The following RABGAP1 variants were observed in gnomAD, a reference collection of about 807,000 sequenced individuals.
The protein encoded by RABGAP1 is RAB GTPase activating protein 1, also known as rab GTPase-activating protein 1.
In RABGAP1, 23 loss-of-function variants were observed where a neutral mutation model predicts 137.6. The observed-to-expected ratio is 0.17, with a 90% CI of 0.12 to 0.24. The LOEUF is 0.24. Among genes scored for constraint, RABGAP1 ranks in the 10% least tolerant of loss-of-function variants. RABGAP1 has a pLI of 1.00. For missense variants in RABGAP1, 906 were observed against 1,275.8 expected, an observed-to-expected ratio of 0.71 and a Z score of 4.42; for synonymous variants, 451 against 450.7, an observed-to-expected ratio of 1.00 and a Z score of -0.01.
chr9:122,996,569 A>C lies in RABGAP1; in HGVS notation c.1065A>C (p.Lys355Asn). The stretch of plus-strand genomic sequence containing the variant: ...TTGGTCTTCTCCTTAGTCCAGGAAA[A>C]GATGTACGAAATAGTGACATGCACT... ...RCFGLLLSPG[K>N]DVRNSDMHLL... The change falls in exon 8 of 26, where the codon AAA becomes AAC. Residue 355 changes from lysine (K) to asparagine (N), a missense_variant. Coordinates refer to ENST00000373647, the MANE Select transcript of RABGAP1 (RefSeq NM_012197.4). 1 of 1,609,476 alleles carries C rather than the reference A, an allele frequency of 6.2e-7. No individual in the cohort carries two copies. Among genetic ancestry groups the C allele is most frequent in the Non-Finnish European group, 8.5e-7 (1 of 1,177,322 alleles).
At chr9:123,098,665 T>G (rs1588415691) in intron 22 of RABGAP1, 50 bp from the exon 23 acceptor site, 1 of 1,548,156 alleles carries the variant, frequency 6.5e-7, no homozygotes, top group East Asian at 2.3e-5. Flanking sequence ...TGGCAGAACT[T>G]CCTTTATTTT....
At chr9:122,981,926 G>A (rs1472961385) in intron 2 of RABGAP1, among the ~76,000 whole-genome samples, 1 of 152,086 alleles carries the variant, frequency 6.6e-6, no homozygotes, top group Non-Finnish European at 1.5e-5. Flanking sequence ...GCACGCGCCT[G>A]TGATCCCAGC....
rs774670125 is a variant in RABGAP1 at position 123,082,723 on chromosome 9, A to G, written c.2424+5961A>G. Among the ~76,000 whole-genome samples the G allele has an allele frequency of 6.2e-3, 41 of 6,662 alleles. No homozygotes were observed. The Middle Eastern group carries it at 0.4, about 65-fold the overall frequency. The allele number at this position is 6,662 out of a possible 152,430, so 4.4% of individuals were successfully genotyped here. On this transcript the variant is annotated intron_variant, in intron 19 of 25. Transcript: ENST00000373647. ...ATTAGAACGTGTCATTTTAAACACA[A>G]CGTGATGTGCCAGACTTCAAACTAC...
At position 123,070,533 on chromosome 9, in the gene RABGAP1, T is replaced by C. The variant is rs2034320888; in HGVS notation, c.1983+109T>C. On this transcript the variant is annotated intron_variant, in intron 15 of 25. Coordinates refer to ENST00000373647, the MANE Select transcript of RABGAP1 (RefSeq NM_012197.4). The surrounding 1 kb of genome is among the most constrained non-coding windows in gnomAD (Gnocchi z 4.4). ...TGGGTTTGGACAGACTCTTAAGGCA[T>C]GAATTTTAACACCTATAGCTGGAAA... is the stretch of plus-strand genomic sequence containing the variant. 6.6e-7 allele frequency: 1 copy of C among 1,517,664 alleles called. No homozygotes were observed. Among genetic ancestry groups the C allele is most frequent in the Non-Finnish European group, 8.8e-7 (1 of 1,135,836 alleles). The allele number at this position is 1,517,664 out of a possible 1,614,324, so 94.0% of individuals were successfully genotyped here.
At chr9:122,965,991 C>G (rs550554518) in intron 2 of RABGAP1, among the ~76,000 whole-genome samples, 29 of 152,184 alleles carry the variant, frequency 1.9e-4, no homozygotes, top group Admixed American at 7.2e-4. Flanking sequence ...TTGGCCTGAG[C>G]TGTTTAGTCT....
At chr9:122,977,797 T>C (rs551936296) in intron 2 of RABGAP1, among the ~76,000 whole-genome samples, 15 of 152,230 alleles carry the variant, frequency 9.9e-5, no homozygotes, top group African/African-American at 3.6e-4. Context: ...CTCTATCCAG[T>C]AGACAGTTGA....
intron 2 of RABGAP1, among the ~76,000 whole-genome samples, chr9:122,967,514 C>T (rs1214693134): frequency 6.6e-6 from 1 of 152,100 alleles, no homozygotes; most frequent in Admixed American, 6.5e-5. Context: ...AACAGTTAGC[C>T]TAGGAACAGT....
intron 14 of RABGAP1, among the ~76,000 whole-genome samples, chr9:123,068,847 G>A (rs975443869): frequency 2.5e-4 from 38 of 152,324 alleles, no homozygotes; most frequent in African/African-American, 8.9e-4. Flanking sequence ...CATCTAATAA[G>A]TATTGGCACT....
intron 12 of RABGAP1, 97 bp from the exon 13 acceptor site, chr9:123,020,212 T>C: frequency 9.1e-7 from 1 of 1,104,870 alleles, no homozygotes; most frequent in Non-Finnish European, 1.2e-6. Context: ...CCTTGTCACG[T>C]ATTTGTAAGC....
At chr9:122,959,091 T>C (rs1417943826) in intron 2 of RABGAP1, among the ~76,000 whole-genome samples, 1 of 151,978 alleles carries the variant, frequency 6.6e-6, no homozygotes, top group Admixed American at 6.6e-5. Context: ...AATTAATTAA[T>C]AAGAGTGAAT....
rs190667341 is a variant in RABGAP1 at position 123,019,043 on chromosome 9, C to T, written c.1644-1266C>T. 3.3e-5 allele frequency among the ~76,000 whole-genome samples: 5 copies of T among 152,306 alleles called. No individual in the cohort carries two copies. In the East Asian group the frequency reaches 9.6e-4, roughly 29 times the overall value. On this transcript the variant is annotated intron_variant, in intron 12 of 25. Transcript: ENST00000373647. The stretch of plus-strand genomic sequence containing the variant: ...GTAAAACTAGAGGTACTACCATCTA[C>T]CTCAGATGGTTGTTCTGAAGGTCAA...
intron 19 of RABGAP1, among the ~76,000 whole-genome samples, chr9:123,085,445 C>T (rs1165856192): frequency 6.6e-6 from 1 of 152,160 alleles, no homozygotes; most frequent in Non-Finnish European, 1.5e-5. Context: ...GTTGGTTTTA[C>T]CAACAAACCC....
At chr9:123,060,336 T>C (rs2033919919) in intron 13 of RABGAP1, among the ~76,000 whole-genome samples, 1 of 152,232 alleles carries the variant, frequency 6.6e-6, no homozygotes, top group Non-Finnish European at 1.5e-5. Context: ...TCTGTCACCA[T>C]GGGCTTTTGC....
At chr9:122,981,836 G>A (rs1836076365) in intron 2 of RABGAP1, among the ~76,000 whole-genome samples, 1 of 152,170 alleles carries the variant, frequency 6.6e-6, no homozygotes, top group Non-Finnish European at 1.5e-5. Flanking sequence ...ATCACTTGAG[G>A]TCAGGAGTTC....
At chr9:122,952,128 A>C (rs1834284110) in intron 1 of RABGAP1, among the ~76,000 whole-genome samples, 1 of 152,258 alleles carries the variant, frequency 6.6e-6, no homozygotes, top group Non-Finnish European at 1.5e-5. Context: ...AGGCTGTATA[A>C]GTGAACATAA....
chr9:123,092,479 T>C (rs1042362224), intron 21 of RABGAP1, among the ~76,000 whole-genome samples: 9 of 152,202 alleles, frequency 5.9e-5, no homozygotes, highest in African/African-American at 2.2e-4. Flanking sequence ...TTTGTTTTTT[T>C]TAACAGCTAT....
At chr9:123,029,744 T>C (rs2032195895) in intron 13 of RABGAP1, 2 of 624,896 alleles carry the variant, frequency 3.2e-6, no homozygotes, top group South Asian at 1.4e-5. Flanking sequence ...TTGTAGTCCT[T>C]GGGTGGCATC....
At chr9:123,035,739 C>T in intron 13 of RABGAP1, 1 of 639,298 alleles carries the variant, frequency 1.6e-6, no homozygotes, top group Non-Finnish European at 2.6e-6. Context: ...AATACTTTGA[C>T]TCTAAACAAT....
intron 14 of RABGAP1, among the ~76,000 whole-genome samples, chr9:123,069,146 G>C (rs2034274297): frequency 6.6e-6 from 1 of 152,158 alleles, no homozygotes; most frequent in Non-Finnish European, 1.5e-5. Flanking sequence ...TCAAAATAAT[G>C]TTCAGAGGAG....
Sources: gnomAD v4.1 joint callset for allele counts (sites outside exome capture counted in the v4.1 genomes callset) on GRCh38, gnomAD v4.1.1 for gene constraint, Gnocchi (gnomAD v3.1) non-coding constraint, MANE v1.5 for transcripts, NCBI Gene and HGNC (gene_info 2026-07-23, HGNC 2026-07-21) for gene names.